The following AFM variants were observed in gnomAD, a reference collection of about 807,000 sequenced individuals.
AFM encodes alpha-Alb.
A neutral mutation model predicts 68.7 loss-of-function variants in AFM; 82 were observed. The observed-to-expected ratio is 1.19, with a 90% CI of 1.00 to 1.43. The LOEUF is 1.43. Among genes scored for constraint, AFM ranks in the 40% most tolerant of loss-of-function variants. The pLI is 0.00. For synonymous variants in AFM, 250 were observed against 234.2 expected, an observed-to-expected ratio of 1.07 and a Z score of -0.61; for missense variants, 772 against 701.8, an observed-to-expected ratio of 1.10 and a Z score of -1.13.
intron 7 of AFM, among the ~76,000 whole-genome samples, chr4:73,490,768 G>A (rs748990987): frequency 6.6e-6 from 1 of 152,192 alleles, no homozygotes; most frequent in African/African-American, 2.4e-5. Context: ...GGAGAAATAA[G>A]AGGAATTGAA....
At chr4:73,484,470 CTTTCTTTCTTT>C (rs1720818954) in intron 3 of AFM, 80 bp downstream of exon 3, 1 of 551,446 alleles carries the variant, frequency 1.8e-6, no homozygotes, top group African/African-American at 2.1e-5. Flanking sequence ...TTCTTTCTTT[CTTTCTTTCTTT>C]CTTTCTTTCT....
Position 73,486,066 on chromosome 4 carries a change from T to C in AFM, c.475T>C (p.Leu159=), listed in dbSNP as rs143026614. ...QAYESNRESL[L]NHFLYEVARR... is the part of the protein sequence containing the mutation. Reference sequence around the variant, plus strand: ...TTATGAAAGTAACAGAGAATCCCTTTTAAATCAGTAAGTTTAATCTTAGTA... The same window carrying C: ...TTATGAAAGTAACAGAGAATCCCTTCTAAATCAGTAAGTTTAATCTTAGTA... The change falls in exon 4 of 15, where the codon TTA becomes CTA. Residue 159 remains leucine, a synonymous_variant. Coordinates refer to ENST00000226355, the MANE Select transcript of AFM (RefSeq NM_001133.2). 21 of 1,612,750 alleles carry C rather than the reference T, an allele frequency of 1.3e-5. No individual in the cohort carries two copies. The highest frequency in any genetic ancestry group is 1.5e-5 in the Non-Finnish European group (18 of 1,178,856).
chr4:73,503,507 A>G (rs529963783), intron 14 of AFM, among the ~76,000 whole-genome samples: 185 of 152,250 alleles, frequency 1.2e-3, no homozygotes, highest in African/African-American at 4.3e-3. Flanking sequence ...GACCCTTTCC[A>G]ATAATCTTTT....
At chr4:73,487,670 G>A in intron 5 of AFM, 54 bp from the exon 6 acceptor site, 3 of 1,202,776 alleles carry the variant, frequency 2.5e-6, no homozygotes, top group Non-Finnish European at 3.6e-6. Context: ...TAAAAAATAA[G>A]AGAATAGTGA....
chr4:73,501,983 AC>A (rs1349333030), intron 13 of AFM, 64 bp downstream of exon 13: 1 of 1,548,848 alleles, frequency 6.5e-7, no homozygotes, highest in East Asian at 2.3e-5. Context: ...ATAAAACAGA[AC>A]CCTGCAGGAC....
chr4:73,501,679 C>T, intron 12 of AFM, 108 bp from the exon 13 acceptor site: 2 of 1,257,894 alleles, frequency 1.6e-6, no homozygotes, highest in South Asian at 3.1e-5. Flanking sequence ...ACTCTTTACC[C>T]ACACCCAAGC....
Position 73,492,095 on chromosome 4 carries a change from A to G in AFM, c.1058+9A>G. 6.3e-7 allele frequency: 1 copy of G among 1,592,700 alleles called. No homozygotes were observed. The highest frequency in any genetic ancestry group is 1.4e-5 in the African/African-American group (1 of 73,600). On this transcript the variant is annotated intron_variant, in intron 8 of 14. Coordinates refer to ENST00000226355, the MANE Select transcript of AFM (RefSeq NM_001133.2). ...GACACCTTCTTTGCGAAGTAATATAACTCTTTATTGAATTTATAAGGGAAA... is the reference window on the plus strand; with the variant it reads ...GACACCTTCTTTGCGAAGTAATATAGCTCTTTATTGAATTTATAAGGGAAA...
At chr4:73,493,842 A>T (rs1201999302) in intron 8 of AFM, among the ~76,000 whole-genome samples, 1 of 152,216 alleles carries the variant, frequency 6.6e-6, no homozygotes, top group Non-Finnish European at 1.5e-5. Context: ...TTGATAGATA[A>T]AAGCCATTTT....
At chr4:73,492,752 C>T (rs1236824702) in intron 8 of AFM, among the ~76,000 whole-genome samples, 4 of 145,360 alleles carry the variant, frequency 2.8e-5, no homozygotes, top group African/African-American at 5.1e-5. Flanking sequence ...GCCGAGATCA[C>T]GCACTGCACT....
chr4:73,484,144 G>A, intron 2 of AFM, 114 bp from the exon 3 acceptor site: 2 of 1,438,150 alleles, frequency 1.4e-6, no homozygotes, highest in Non-Finnish European at 1.9e-6. Context: ...AAAATTTATA[G>A]CCATTACAAT....
intron 11 of AFM, among the ~76,000 whole-genome samples, chr4:73,499,518 A>G (rs1721359940): frequency 6.6e-6 from 1 of 152,060 alleles, no homozygotes. Flanking sequence ...ATGATTTAGG[A>G]ATCATAATAT....
Position 73,495,392 on chromosome 4 carries a change from G to T in AFM, c.1151G>T (p.Cys384Phe), listed in dbSNP as rs749103535. ...VQIYKDLLRN[C>F]CNTENPPGCY... is the part of the protein sequence containing the mutation. ...ATATACAAAGATCTCCTGAGAAATT[G>T]CTGCAACACAGAAAACCCTCCAGGT... Residue 384 changes from cysteine (C) to phenylalanine (F), a missense_variant, in exon 9 of 15, where the codon TGC becomes TTC. Transcript: ENST00000226355. 5.6e-6 allele frequency: 9 copies of T among 1,613,296 alleles called. No homozygotes were observed. The East Asian group carries it at 1.1e-4, about 20-fold the overall frequency.
intron 12 of AFM, 52 bp downstream of exon 12, chr4:73,500,279 T>C (rs747690639): frequency 4.1e-6 from 6 of 1,453,140 alleles, no homozygotes; most frequent in Non-Finnish European, 5.7e-6. Context: ...AGACACACCA[T>C]GTATTAGTGA....
At chr4:73,497,797 A>G in intron 10 of AFM, 48 bp downstream of exon 10, 5 of 1,198,044 alleles carry the variant, frequency 4.2e-6, no homozygotes, top group Non-Finnish European at 4.8e-6. Context: ...AGAATTGAAT[A>G]CATAATCCCT....
rs941010411 is a variant in AFM, at chr4:73,502,932, G to A, written c.1780-118G>A. On this transcript the variant is annotated intron_variant, in intron 13 of 14. Coordinates refer to ENST00000226355, the MANE Select transcript of AFM (RefSeq NM_001133.2). Reference sequence around the variant, plus strand: ...AAGAAAGAATGTTTACTGTTTCCCTGTACAACGTGGGAATGATTTAATTTT... The same window carrying A: ...AAGAAAGAATGTTTACTGTTTCCCTATACAACGTGGGAATGATTTAATTTT... 2.0e-5 allele frequency: 19 copies of A among 974,074 alleles called. No individual in the cohort carries two copies. The African/African-American group carries it at 3.1e-4, about 16-fold the overall frequency. 60.3% of individuals were successfully genotyped at this position (974,074 alleles called of 1,614,324 possible).
At chr4:73,486,356 C>T (rs1720902364) in intron 4 of AFM, among the ~76,000 whole-genome samples, 1 of 152,084 alleles carries the variant, frequency 6.6e-6, no homozygotes, top group Non-Finnish European at 1.5e-5. Flanking sequence ...GTAGGATGCA[C>T]AGTAGAGGAA....
intron 8 of AFM, among the ~76,000 whole-genome samples, chr4:73,494,078 TGTG>T (rs761452069): frequency 0.022 from 3,377 of 151,804 alleles, 36 homozygotes; most frequent in South Asian, 0.037. Context: ...TGTGTGTGTG[TGTG>T]TGTGTGTTAC....
chr4:73,484,498 CTT>C (rs1007285629), intron 3 of AFM, 108 bp downstream of exon 3: 9 of 819,980 alleles, frequency 1.1e-5, no homozygotes, highest in Non-Finnish European at 1.4e-5. Context: ...TTCTTTCTTT[CTT>C]TCTTTCATTC....
chr4:73,503,193 G>A (rs1243176728), intron 14 of AFM, 83 bp downstream of exon 14: 3 of 1,061,818 alleles, frequency 2.8e-6, no homozygotes, highest in Non-Finnish European at 4.3e-6. Context: ...ATGCTTCTTT[G>A]TCTATTTCTG....
Sources: allele counts gnomAD v4.1 joint callset (sites outside exome capture counted in the v4.1 genomes callset), GRCh38; gene constraint gnomAD v4.1.1; transcripts MANE v1.5; gene names NCBI Gene and HGNC (gene_info 2026-07-23, HGNC 2026-07-21).